Variants in INF2 observed in about 807,000 individuals in gnomAD.
INF2 encodes the protein inverted formin 2.
In INF2, 43 loss-of-function variants were observed where a neutral mutation model predicts 123.5. The observed-to-expected ratio is 0.35, with a 90% confidence interval of 0.27 to 0.45. The LOEUF (loss-of-function observed/expected upper bound fraction) is 0.45, where lower values mean the gene tolerates loss of function less well. INF2 is among the 20% of genes least tolerant of loss of function. The probability of loss-of-function intolerance (pLI) is 1.00; values close to 1 mark genes in which losing one functional copy is unlikely to be tolerated. For missense variants in INF2, 1,453 were observed against 1,682.7 expected (o/e 0.86, Z 2.39); for synonymous variants, 851 against 745.0 (o/e 1.14, Z -2.32).
chr14:104,689,147 C>T, upstream of INF2: 1 of 952,886 alleles, frequency 1.0e-6, no homozygotes, highest in Non-Finnish European at 1.2e-6. Flanking sequence ...TCTCTCTCCC[C>T]AAAGCCTGGG....
In INF2 at chr14:104,701,497, GC is replaced by G; in HGVS notation, c.135del (p.Ser46LeufsTer64). 1 of 1,604,822 alleles carries G rather than the reference GC, an allele frequency of 6.2e-7. No homozygotes were observed. Among genetic ancestry groups the G allele is most frequent in the Non-Finnish European group, 8.5e-7 (1 of 1,176,230 alleles). On this transcript the variant is annotated frameshift_variant, in exon 2 of 23. Transcript: ENST00000392634. LOFTEE classifies it high-confidence loss of function. Reference sequence around the variant, plus strand: ...AGCTGTGCATCCGGCTGCTCCAGATGCCCTCTGTGGTCAACTACTCCGGCCT... The same window carrying G: ...AGCTGTGCATCCGGCTGCTCCAGATGCCTCTGTGGTCAACTACTCCGGCCT... ...PELCIRLLQM[P>X]SVVNYSGLRK...
At position 104,714,802 on chromosome 14, in the gene INF2, G is replaced by A. The variant is rs1295576394; in HGVS notation, c.3640G>A (p.Ala1214Thr). ...CACACTCCCCAGGGCCCGGGGCCGG[G>A]CCTCAAAGGGGACCGGGAAGCGAAG... ...SGTLPRARGR[A>T]SKGTGKRRKK... Residue 1214 changes from alanine (A) to threonine (T), a missense_variant, in exon 21 of 23, where the codon GCC becomes ACC. By Grantham distance (58) the Ala-to-Thr change is moderately conservative. This residue lies in a region of INF2 where 344 missense variants were observed against 333.1 expected (regional missense o/e 1.03). Transcript: ENST00000392634. The A allele has an allele frequency of 3.1e-6, 5 of 1,595,992 alleles. No individual in the cohort carries two copies. The highest frequency in any genetic ancestry group is 1.7e-4 in the Middle Eastern group (1 of 5,984).
intron 17 of INF2, 54 bp from the exon 18 acceptor site, chr14:104,712,774 C>G: frequency 6.5e-7 from 1 of 1,542,774 alleles, no homozygotes; most frequent in South Asian, 1.2e-5. Context: ...GGCCTCACCC[C>G]GGGTGGTGCC....
upstream of INF2, chr14:104,684,645 T>C (rs1888615801): frequency 6.5e-6 from 1 of 152,760 alleles, no homozygotes; most frequent in African/African-American, 2.4e-5. This position sits in a 1 kb window ranked among gnomAD's most constrained non-coding sequence, Gnocchi z 5.0. Flanking sequence ...TGGGTGGTGG[T>C]AGTTACGTGG....
In INF2 at chr14:104,712,962, T is replaced by C. The variant is rs2140692929; in HGVS notation, c.2745T>C (p.Ala915=). The C allele has an allele frequency of 6.2e-7, 1 of 1,612,650 alleles. No homozygotes were observed. Among genetic ancestry groups the C allele is most frequent in the Non-Finnish European group, 8.5e-7 (1 of 1,179,808 alleles). Residue 915 remains alanine (A), a synonymous_variant, in exon 18 of 23, where the codon GCT becomes GCC. Coordinates refer to ENST00000392634, the MANE Select transcript of INF2 (RefSeq NM_022489.4). The stretch of plus-strand genomic sequence containing the variant: ...AGGACACGTTCAGCACCATGAAGGC[T>C]TTCCGGGACCTTTTCCTCCGCGCCC... ...SLEDTFSTMK[A]FRDLFLRALK...
intron 1 of INF2, among the ~76,000 whole-genome samples, chr14:104,696,201 G>A (rs1441015512): frequency 2.0e-5 from 3 of 152,192 alleles, no homozygotes; most frequent in African/African-American, 7.2e-5. Context: ...ACAGTGGCCC[G>A]GGGGCCCTCT....
intron 10 of INF2, 72 bp downstream of exon 10, chr14:104,708,804 C>T (rs2140673363): frequency 1.4e-6 from 2 of 1,476,804 alleles, no homozygotes; most frequent in Non-Finnish European, 1.9e-6. Context: ...GACTTGGGCC[C>T]AGCAGTGCCC....
chr14:104,709,032 G>A (rs1041630675), intron 10 of INF2, among the ~76,000 whole-genome samples: 5 of 152,156 alleles, frequency 3.3e-5, no homozygotes, highest in South Asian at 2.1e-4. Flanking sequence ...GCACTGGCCC[G>A]AGGGAGCTGG....
chr14:104,711,588 G>T lies in INF2; in HGVS notation c.2419-41G>T. ...GAACAGGGTCATCCCCAGGTGGAGAGTATGACCACAGTGGATCTCACTGGA... is the reference window on the plus strand; with the variant it reads ...GAACAGGGTCATCCCCAGGTGGAGATTATGACCACAGTGGATCTCACTGGA... On this transcript the variant is annotated intron_variant, in intron 15 of 22. Transcript: ENST00000392634. The T allele has an allele frequency of 1.9e-6, 3 of 1,580,090 alleles. No homozygotes were observed. In the South Asian group the frequency reaches 3.3e-5, roughly 17 times the overall value.
rs1031161984 is a variant in INF2, at chr14:104,683,689, T to C, written c.-104+2107T>C. On this transcript the variant is annotated intron_variant, in intron 1 of 2. Transcript: ENST00000674723. ...TTGGAGACCTACAAAGTCTTGGCAC[T>C]ACATCTCTTCAAAACACAGTCCAGT... 2.1e-5 allele frequency among the ~76,000 whole-genome samples: 3 copies of C among 145,750 alleles called. No individual in the cohort carries two copies. In the South Asian group the frequency reaches 6.4e-4, roughly 31 times the overall value.
chr14:104,710,234 C>T (rs1002673159), intron 13 of INF2, 46 bp downstream of exon 13: 35 of 1,408,620 alleles, frequency 2.5e-5, no homozygotes, highest in African/African-American at 1.7e-4. Flanking sequence ...GACAGGCCTC[C>T]GAACCGGGGC....
upstream of INF2, among the ~76,000 whole-genome samples, chr14:104,685,331 A>C (rs957856258): frequency 1.3e-5 from 2 of 152,160 alleles, no homozygotes; most frequent in African/African-American, 4.8e-5. Context: ...AGGCTGACTC[A>C]GGTGCTCTTG....
rs1322393100 is a variant in INF2 at position 104,706,126 on chromosome 14, G to A, written c.793G>A (p.Gly265Arg). 5 of 1,609,542 alleles carry A rather than the reference G, an allele frequency of 3.1e-6. No individual in the cohort carries two copies. Among genetic ancestry groups the A allele is most frequent in the African/African-American group, 1.3e-5 (1 of 74,898 alleles). ...GGAGGAGCTGCTGCGAGTCTCTGGCGGGGTCGACATGAGCAGCCACCAGGA... is the reference window on the plus strand; with the variant it reads ...GGAGGAGCTGCTGCGAGTCTCTGGCAGGGTCGACATGAGCAGCCACCAGGA... ...DEEELLRVSG[G>R]VDMSSHQEVF... Residue 265 changes from glycine (G) to arginine (R), a missense_variant, in exon 6 of 23, where the codon GGG becomes AGG. This residue lies in a region of INF2 where 251 missense variants were observed against 349.4 expected (regional missense o/e 0.72). Transcript: ENST00000392634.
At chr14:104,694,615 G>T (rs930354212) in intron 1 of INF2, among the ~76,000 whole-genome samples, 1 of 152,222 alleles carries the variant, frequency 6.6e-6, no homozygotes, top group Non-Finnish European at 1.5e-5. Context: ...GGAACCAGGA[G>T]ATCCTATGGG....
Position 104,713,232 on chromosome 14 carries a change from C to A in INF2, c.2801C>A (p.Ala934Glu). The A allele has an allele frequency of 6.4e-7, 1 of 1,553,558 alleles. No individual in the cohort carries two copies. The highest frequency in any genetic ancestry group is 8.7e-7 in the Non-Finnish European group (1 of 1,149,314). The change falls in exon 19 of 23, where the codon GCG becomes GAG. Residue 934 changes from alanine (A) to glutamate (E), a missense_variant. By Grantham distance (107) the Ala-to-Glu change is moderately radical. Around this residue, in one of 8 missense-constraint regions of INF2, gnomAD observed 212 missense variants for 266.2 expected, o/e 0.80. Coordinates refer to ENST00000392634, the MANE Select transcript of INF2 (RefSeq NM_022489.4). ...LKENKDRKEQ[A>E]AKAERRKQQL... The stretch of plus-strand genomic sequence containing the variant: ...GAGAACAAGGACCGGAAGGAGCAGG[C>A]GGCGAAGGCAGAGAGGAGGAAGCAG...
In INF2 at chr14:104,713,277, C is replaced by T. The variant is rs912951002; in HGVS notation, c.2846C>T (p.Ala949Val). The change falls in exon 19 of 23, where the codon GCG becomes GTG. Residue 949 changes from alanine to valine, a missense_variant. By Grantham distance (64) the Ala-to-Val change is moderately conservative (BLOSUM62 0). Around this residue, in one of 8 missense-constraint regions of INF2, gnomAD observed 212 missense variants for 266.2 expected, o/e 0.80. Coordinates refer to ENST00000392634, the MANE Select transcript of INF2 (RefSeq NM_022489.4). ...AAGCAGCAGCTGGCGGAGGAGGAGG[C>T]GCGGCGGCCTCGGGGAGAGGACGGG... ...RRKQQLAEEE[A>V]RRPRGEDGKP... 3.2e-6 allele frequency: 5 copies of T among 1,550,368 alleles called. No homozygotes were observed. The highest frequency in any genetic ancestry group is 1.4e-5 in the African/African-American group (1 of 73,050).
chr14:104,718,142 G>C (rs963822051), intron 22 of INF2, among the ~76,000 whole-genome samples: 11 of 152,252 alleles, frequency 7.2e-5, no homozygotes, highest in African/African-American at 2.7e-4. Flanking sequence ...TTGTTTTCTT[G>C]CTGTCTGTTT....
chr14:104,691,831 T>G (rs1441060125), intron 1 of INF2, among the ~76,000 whole-genome samples: 2 of 151,458 alleles, frequency 1.3e-5, no homozygotes, highest in Non-Finnish European at 2.9e-5. Flanking sequence ...GGAGGGAGAG[T>G]CCTGCCTGGT....
rs1366504465 is a variant in INF2, at chr14:104,722,013, A to C, written c.*3220A>C. On this transcript the variant is annotated 3_prime_UTR_variant, in exon 23 of 23. Transcript: ENST00000392634. Reference sequence around the variant, plus strand: ...GTGGAACCCACAGGTGGACACACCCATGCACCCTCGTTCTTGCCCAAGGTC... The same window carrying C: ...GTGGAACCCACAGGTGGACACACCCCTGCACCCTCGTTCTTGCCCAAGGTC... 2 of 152,308 alleles carry C rather than the reference A, an allele frequency of 1.3e-5. No individual in the cohort carries two copies. The highest frequency in any genetic ancestry group is 4.8e-5 in the African/African-American group (2 of 41,456). 9.4% of individuals were successfully genotyped at this position (152,308 alleles called of 1,614,324 possible). A position where few individuals can be genotyped will look rare whatever the true frequency, so the allele number is the denominator to read the frequency against.
Sources: allele counts gnomAD v4.1 joint callset (sites outside exome capture counted in the v4.1 genomes callset), GRCh38; gene constraint gnomAD v4.1.1; regional missense constraint gnomAD v4.1.1; non-coding constraint Gnocchi (gnomAD v3.1); transcripts MANE v1.5; gene names NCBI Gene and HGNC (gene_info 2026-07-23, HGNC 2026-07-21).